Variants in KIF26B observed in about 807,000 individuals in gnomAD.
KIF26B encodes kinesin-like protein KIF26B.
KIF26B carries 63 observed loss-of-function variants against 151.2 expected under a neutral mutation model. That is an observed-to-expected ratio of 0.42 (90% CI 0.34 to 0.51). The LOEUF (loss-of-function observed/expected upper bound fraction) is 0.51, where lower values mean the gene tolerates loss of function less well. Among genes scored for constraint, KIF26B ranks in the 20% least tolerant of loss-of-function variants. KIF26B has a pLI of 0.07. For synonymous variants in KIF26B, 1,357 were observed against 1,262.1 expected, an observed-to-expected ratio of 1.08 and a Z score of -1.59; for missense variants, 2,813 against 2,913.6, an observed-to-expected ratio of 0.97 and a Z score of 0.79.
In KIF26B at chr1:245,688,312, G is replaced by A. The variant is rs776734313; in HGVS notation, c.5329G>A (p.Gly1777Arg). ...VGQGSSSPPGGKHTPWSTQSL... is the reference protein window; with the variant it reads ...VGQGSSSPPGRKHTPWSTQSL... ...CCAGGGCTCCAGCTCGCCCCCCGGTGGGAAGCACACGCCCTGGTCCACGCA... is the reference window on the plus strand; with the variant it reads ...CCAGGGCTCCAGCTCGCCCCCCGGTAGGAAGCACACGCCCTGGTCCACGCA... The change falls in exon 12 of 15, where the codon GGG (glycine) becomes AGG (arginine). Residue 1777 changes from glycine (G) to arginine (R), a missense_variant. By Grantham distance (125) the Gly-to-Arg change is moderately radical. This residue lies in a region of KIF26B where 2,060 missense variants were observed against 2,088.6 expected (regional missense o/e 0.99). Transcript: ENST00000407071. The A allele has an allele frequency of 3.8e-6, 6 of 1,595,278 alleles. No homozygotes were observed. Among genetic ancestry groups the A allele is most frequent in the Non-Finnish European group, 4.2e-6 (5 of 1,178,056 alleles).
In KIF26B at chr1:245,166,275, CTTTCCTTCCTTT is replaced by C. The variant is rs1011495107; in HGVS notation, c.465+9604_465+9615del. On this transcript the variant is annotated intron_variant, in intron 2 of 14. Transcript: ENST00000407071. The surrounding 1 kb of genome is among the most constrained non-coding windows in gnomAD (Gnocchi z 4.5). ...TCCTTCCTTCCCTCCTTCCTTCCCT[CTTTCCTTCCTTT>C]TTTCCTTCCTTCCTTCCATCTGACA... Among the ~76,000 whole-genome samples, 10 of 152,172 alleles carry C rather than the reference CTTTCCTTCCTTT, an allele frequency of 6.6e-5. No individual in the cohort carries two copies. The highest frequency in any genetic ancestry group is 1.0e-4 in the Non-Finnish European group (7 of 68,020).
At chr1:245,337,134 TTTTATTTA>T (rs59391704) in intron 2 of KIF26B, among the ~76,000 whole-genome samples, 17,890 of 148,114 alleles carry the variant, frequency 0.12, 1,144 homozygotes, top group Non-Finnish European at 0.14. Context: ...CATTTAGAAG[TTTTATTTA>T]TTTATTTATT....
chr1:245,325,932 C>T (rs1044515910), intron 2 of KIF26B, among the ~76,000 whole-genome samples: 2 of 152,094 alleles, frequency 1.3e-5, no homozygotes, highest in African/African-American at 4.8e-5. Flanking sequence ...AGGCTAAATG[C>T]TGCTCCCTCG....
At chr1:245,333,587 G>T (rs1672161243) in intron 2 of KIF26B, among the ~76,000 whole-genome samples, 1 of 152,242 alleles carries the variant, frequency 6.6e-6, no homozygotes, top group Non-Finnish European at 1.5e-5. Flanking sequence ...ACTTAAAAAT[G>T]ATTAAAATGG....
At chr1:245,204,109 C>G (rs1440466606) in intron 2 of KIF26B, among the ~76,000 whole-genome samples, 1 of 152,156 alleles carries the variant, frequency 6.6e-6, no homozygotes, top group African/African-American at 2.4e-5. Flanking sequence ...TTCATATGTC[C>G]TTCTGCAGTC....
intron 4 of KIF26B, among the ~76,000 whole-genome samples, chr1:245,524,037 A>T (rs148304407): frequency 1.4e-3 from 217 of 152,378 alleles, no homozygotes; most frequent in African/African-American, 4.9e-3. Flanking sequence ...ATATTTGTAA[A>T]ATAATTTAAA....
At chr1:245,293,521 G>C (rs1166812801) in intron 2 of KIF26B, among the ~76,000 whole-genome samples, 4 of 151,892 alleles carry the variant, frequency 2.6e-5, no homozygotes. Flanking sequence ...GCTCCTGGTA[G>C]TGAAGAGATT....
At chr1:245,661,281 C>T (rs1180104745) in intron 10 of KIF26B, among the ~76,000 whole-genome samples, 1 of 152,006 alleles carries the variant, frequency 6.6e-6, no homozygotes, top group Non-Finnish European at 1.5e-5. Context: ...AGCCACTGCG[C>T]CTGGCCCATT....
At chr1:245,463,669 C>T (rs185510741) in intron 4 of KIF26B, among the ~76,000 whole-genome samples, 1 of 152,188 alleles carries the variant, frequency 6.6e-6, no homozygotes, top group Admixed American at 6.5e-5. Flanking sequence ...TGCCTGCTGT[C>T]CTGTGGTGCA....
At chr1:245,197,498 TCA>T (rs1002646959) in intron 2 of KIF26B, among the ~76,000 whole-genome samples, 3 of 151,978 alleles carry the variant, frequency 2.0e-5, no homozygotes, top group Non-Finnish European at 2.9e-5. Context: ...TTTACACACA[TCA>T]CACACACACG....
rs1019127674 is a variant in KIF26B, at chr1:245,244,229, T to C, written c.465+87546T>C. On this transcript the variant is annotated intron_variant, in intron 2 of 14. Coordinates refer to ENST00000407071, the MANE Select transcript of KIF26B (RefSeq NM_018012.4). This position sits in a 1 kb window ranked among gnomAD's most constrained non-coding sequence, Gnocchi z 4.2. ...ACCTTAGCCTCCCAAAGTGCTGGGA[T>C]TGTAGGAGTGAGCCACTGTACCTGG... Among the ~76,000 whole-genome samples, 6 of 152,162 alleles carry C rather than the reference T, an allele frequency of 3.9e-5. No homozygotes were observed. The highest frequency in any genetic ancestry group is 1.4e-4 in the African/African-American group (6 of 41,446).
intron 3 of KIF26B, among the ~76,000 whole-genome samples, chr1:245,368,181 C>G (rs1460539533): frequency 6.6e-6 from 1 of 152,208 alleles, no homozygotes; most frequent in Non-Finnish European, 1.5e-5. Context: ...ACCTTAAGAA[C>G]TACTGGGATT....
At position 245,367,457 on chromosome 1, in the gene KIF26B, G is replaced by A. The variant is rs1186435494; in HGVS notation, c.999+90G>A. 4.9e-6 allele frequency: 6 copies of A among 1,222,564 alleles called. No individual in the cohort carries two copies. The highest frequency in any genetic ancestry group is 6.8e-6 in the Non-Finnish European group (6 of 887,994). 75.7% of individuals were successfully genotyped at this position (1,222,564 alleles called of 1,614,324 possible). A position where few individuals can be genotyped will look rare whatever the true frequency, so the allele number is the denominator to read the frequency against. On this transcript the variant is annotated intron_variant, in intron 3 of 14. Transcript: ENST00000407071. The surrounding 1 kb of genome is among the most constrained non-coding windows in gnomAD (Gnocchi z 4.2). ...CACTTCCTTCCGCTGCCTCCTCCCG[G>A]GAACCCTGTAACTCAGAGCCCAGTG...
chr1:245,440,105 C>T (rs1659037158), intron 4 of KIF26B, among the ~76,000 whole-genome samples: 2 of 152,074 alleles, frequency 1.3e-5, no homozygotes, highest in Admixed American at 1.3e-4. Flanking sequence ...CCTGTAGTCC[C>T]AGCTACTCGG....
intron 10 of KIF26B, 151 bp from the exon 11 acceptor site, chr1:245,684,082 T>G: frequency 1.3e-6 from 1 of 763,786 alleles, no homozygotes; most frequent in Non-Finnish European, 2.1e-6. Flanking sequence ...AATAGCCCCA[T>G]GCTGGAAAAT....
At chr1:245,483,886 T>A (rs1463911923) in intron 4 of KIF26B, among the ~76,000 whole-genome samples, 3 of 151,938 alleles carry the variant, frequency 2.0e-5, no homozygotes, top group Non-Finnish European at 4.4e-5. Context: ...TCTTTTCTAC[T>A]CTTAGTAATG....
rs1222810164 is a variant in KIF26B at position 245,358,468 on chromosome 1, C to T, written c.466-8366C>T. ...CTGGGAGGCCGAGCTTGCAGTGAGC[C>T]GAGATCGCGCCACTGTACTCCAGCC... On this transcript the variant is annotated intron_variant, in intron 2 of 14. Transcript: ENST00000407071. The surrounding 1 kb of genome is among the most constrained non-coding windows in gnomAD (Gnocchi z 4.1). Among the ~76,000 whole-genome samples the T allele has an allele frequency of 2.0e-5, 3 of 152,028 alleles. No homozygotes were observed. Among genetic ancestry groups the T allele is most frequent in the South Asian group, 2.1e-4 (1 of 4,822 alleles).
chr1:245,688,873 C>G, intron 12 of KIF26B, 66 bp downstream of exon 12: 1 of 1,489,240 alleles, frequency 6.7e-7, no homozygotes, highest in South Asian at 1.4e-5. Context: ...CCAAACCCCA[C>G]TGCCAGGGTG....
intron 10 of KIF26B, among the ~76,000 whole-genome samples, chr1:245,672,106 C>T (rs766367310): frequency 5.9e-5 from 9 of 152,096 alleles, no homozygotes; most frequent in Admixed American, 2.0e-4. Flanking sequence ...CTGAGCCCAT[C>T]GGGCGAGCCC....
Sources: allele counts gnomAD v4.1 joint callset (sites outside exome capture counted in the v4.1 genomes callset), GRCh38; gene constraint gnomAD v4.1.1; regional missense constraint gnomAD v4.1.1; non-coding constraint Gnocchi (gnomAD v3.1); transcripts MANE v1.5; gene names NCBI Gene and HGNC (gene_info 2026-07-23, HGNC 2026-07-21).